TPO: variants seen among roughly 807,000 people sequenced by gnomAD.
TPO encodes thyroid microsomal antigen.
In TPO, 78 loss-of-function variants were observed where a neutral mutation model predicts 96.9. The ratio of observed to expected loss-of-function variants is 0.81; its 90% confidence interval spans 0.67 to 0.97. The LOEUF is 0.97. TPO is among the 50% of genes least tolerant of loss of function. The pLI is 0.00. For synonymous variants in TPO, 547 were observed against 538.0 expected, an observed-to-expected ratio of 1.02 and a Z score of -0.23; for missense variants, 1,252 against 1,274.8, an observed-to-expected ratio of 0.98 and a Z score of 0.27.
intron 1 of TPO, among the ~76,000 whole-genome samples, chr2:1,392,536 A>C (rs1461705306): frequency 6.6e-6 from 1 of 152,060 alleles, no homozygotes; most frequent in Admixed American, 6.5e-5. Flanking sequence ...GTTAGGGAGG[A>C]TTCCCTGTTT....
intron 1 of TPO, among the ~76,000 whole-genome samples, chr2:1,384,474 T>C (rs1298742443): frequency 6.6e-6 from 1 of 152,242 alleles, no homozygotes; most frequent in African/African-American, 2.4e-5. Flanking sequence ...TTTGAAGCAA[T>C]TGTGAATGGG....
At chr2:1,479,067 G>A (rs1476335535) in intron 8 of TPO, among the ~76,000 whole-genome samples, 2 of 152,246 alleles carry the variant, frequency 1.3e-5, no homozygotes, top group African/African-American at 4.8e-5. Flanking sequence ...AGGCACCCAC[G>A]TCGCTTTCAA....
At chr2:1,513,529 C>G (rs959686207) in intron 14 of TPO, 2 of 152,288 alleles carry the variant, frequency 1.3e-5, no homozygotes, top group Non-Finnish European at 2.9e-5. Context: ...TGCGAGAGCT[C>G]TGGCCCCGGC....
chr2:1,538,847 G>A (rs940350398), intron 15 of TPO, among the ~76,000 whole-genome samples: 1 of 152,162 alleles, frequency 6.6e-6, no homozygotes, highest in Non-Finnish European at 1.5e-5. Context: ...TGCTCCCCCC[G>A]AAGGTTGGAA....
intron 8 of TPO, 188 bp downstream of exon 8, chr2:1,477,792 C>A: frequency 1.0e-6 from 1 of 985,420 alleles, no homozygotes; most frequent in Non-Finnish European, 1.2e-6. Flanking sequence ...CCTGCATGGG[C>A]GTGTGGAGGG....
chr2:1,530,909 TCCC>T (rs200639215), intron 15 of TPO, among the ~76,000 whole-genome samples: 1 of 27,494 alleles, frequency 3.6e-5, no homozygotes, highest in African/African-American at 1.7e-4. Flanking sequence ...CCTCCCCAAA[TCCC>T]CCCCACTCTG....
At chr2:1,391,716 G>A (rs1662003069) in intron 1 of TPO, among the ~76,000 whole-genome samples, 1 of 152,098 alleles carries the variant, frequency 6.6e-6, no homozygotes. Flanking sequence ...AGTTCTCCTT[G>A]AAGAGGTCCT....
At chr2:1,536,080 C>A (rs1679587124) in intron 15 of TPO, among the ~76,000 whole-genome samples, 1 of 43,038 alleles carries the variant, frequency 2.3e-5, no homozygotes, top group African/African-American at 8.5e-5. Flanking sequence ...CCAAATCCCC[C>A]CACTGTGTGC....
chr2:1,394,533 C>G (rs971209350), intron 1 of TPO, among the ~76,000 whole-genome samples: 1 of 152,204 alleles, frequency 6.6e-6, no homozygotes, highest in Non-Finnish European at 1.5e-5. Flanking sequence ...TCCAGGAATG[C>G]TCCTTTAACA....
chr2:1,411,699 C>T (rs1662358768), upstream of TPO, among the ~76,000 whole-genome samples: 1 of 152,174 alleles, frequency 6.6e-6, no homozygotes, highest in Non-Finnish European at 1.5e-5. Context: ...ACCCCAGAGG[C>T]CCTGCTCCTG....
At chr2:1,428,623 C>G (rs1178873516) in intron 3 of TPO, among the ~76,000 whole-genome samples, 1 of 152,182 alleles carries the variant, frequency 6.6e-6, no homozygotes, top group Non-Finnish European at 1.5e-5. Context: ...AGGGATGAGA[C>G]AGGTGAGCCC....
At chr2:1,493,000 G>A (rs1021180341) in intron 10 of TPO, among the ~76,000 whole-genome samples, 2 of 152,144 alleles carry the variant, frequency 1.3e-5, no homozygotes, top group Non-Finnish European at 2.9e-5. Flanking sequence ...AGGGGCACGA[G>A]TGTCAGGCAA....
chr2:1,542,594 T>C lies in TPO; in HGVS notation c.*120T>C. ...CGACTGTTTTCCCAACACGGGTAAA[T>C]CTAGTACCATGTCGTAGTTACTCTC... On this transcript the variant is annotated 3_prime_UTR_variant, in exon 17 of 17. Coordinates refer to ENST00000329066, the MANE Select transcript of TPO (RefSeq NM_001206744.2). The C allele has an allele frequency of 1.3e-6, 2 of 1,559,668 alleles. No homozygotes were observed. Among genetic ancestry groups the C allele is most frequent in the Non-Finnish European group, 1.7e-6 (2 of 1,150,922 alleles).
At chr2:1,382,883 C>G (rs1183973934) in intron 1 of TPO, among the ~76,000 whole-genome samples, 1 of 112,314 alleles carries the variant, frequency 8.9e-6, no homozygotes, top group Non-Finnish European at 1.7e-5. Flanking sequence ...CCCCTCCCCC[C>G]ACCCCACAAC....
At chr2:1,426,953 G>A (rs1334781026) in intron 3 of TPO, among the ~76,000 whole-genome samples, 1 of 152,212 alleles carries the variant, frequency 6.6e-6, no homozygotes, top group East Asian at 1.9e-4. Context: ...CTTTTGGAAA[G>A]TGATAGGAAA....
chr2:1,504,126 G>A, intron 14 of TPO, 47 bp downstream of exon 14: 1 of 1,611,170 alleles, frequency 6.2e-7, no homozygotes, highest in Non-Finnish European at 8.5e-7. Flanking sequence ...GCGAGTTTTT[G>A]TAAAATGAAG....
intron 14 of TPO, among the ~76,000 whole-genome samples, chr2:1,504,658 A>G (rs1434198612): frequency 6.6e-6 from 1 of 152,184 alleles, no homozygotes; most frequent in East Asian, 1.9e-4. Context: ...AGCTACGCCC[A>G]AACTTTTGAC....
intron 5 of TPO, among the ~76,000 whole-genome samples, chr2:1,437,070 A>G (rs1043238637): frequency 6.6e-6 from 1 of 152,248 alleles, no homozygotes; most frequent in Non-Finnish European, 1.5e-5. Flanking sequence ...TCTGGGGTTC[A>G]GAATGGTTTT....
rs750885400 is a variant in TPO, at chr2:1,504,085, G to A, written c.2518+6G>A. On this transcript the variant is annotated splice_donor_region_variant and intron_variant, in intron 14 of 16. Transcript: ENST00000329066. ...CGATGGGAGAACCTGCGTAGGTGAG[G>A]CTGTTCCCCTCTCTCTCTGTCCGTC... 2.5e-6 allele frequency: 4 copies of A among 1,614,012 alleles called. No individual in the cohort carries two copies. The highest frequency in any genetic ancestry group is 2.5e-6 in the Non-Finnish European group (3 of 1,180,046).
Sources: allele counts gnomAD v4.1 joint callset (sites outside exome capture counted in the v4.1 genomes callset), GRCh38; gene constraint gnomAD v4.1.1; transcripts MANE v1.5; gene names NCBI Gene and HGNC (gene_info 2026-07-23, HGNC 2026-07-21).